The following FLRT2 variants were observed in gnomAD, a reference collection of about 807,000 sequenced individuals.
The protein encoded by FLRT2 is fibronectin leucine rich transmembrane protein 2, also known as leucine-rich repeat transmembrane protein FLRT2.
Under a neutral mutation model 40.0 loss-of-function variants are expected in FLRT2, and 15 were observed. That is an observed-to-expected ratio of 0.38 (90% confidence interval 0.25 to 0.58). FLRT2 has a LOEUF of 0.58. Ranked by LOEUF, FLRT2 falls within the 20% of genes least tolerant of loss-of-function variation. The pLI, the probability that FLRT2 is intolerant of heterozygous loss-of-function variation, is 0.71. For synonymous variants in FLRT2, 380 were observed against 336.8 expected, an observed-to-expected ratio of 1.13 and a Z score of -1.41; for missense variants, 726 against 840.0, an observed-to-expected ratio of 0.86 and a Z score of 1.68.
intron 1 of FLRT2, among the ~76,000 whole-genome samples, 186 bp from the exon 2 acceptor site, chr14:85,620,953 A>G (rs1172693965): frequency 6.6e-6 from 1 of 152,218 alleles, no homozygotes; most frequent in African/African-American, 2.4e-5. Flanking sequence ...TGAAGATACT[A>G]TATTAATTAT....
At chr14:85,609,524 C>G (rs766349800) in intron 1 of FLRT2, among the ~76,000 whole-genome samples, 3 of 152,156 alleles carry the variant, frequency 2.0e-5, no homozygotes, top group Non-Finnish European at 4.4e-5. Context: ...GCTGTTTCAC[C>G]GGGAATTTGT....
At chr14:85,590,091 C>G (rs151337280) in intron 1 of FLRT2, among the ~76,000 whole-genome samples, 1 of 150,408 alleles carries the variant, frequency 6.6e-6, no homozygotes, top group East Asian at 2.0e-4. Flanking sequence ...ACATTATAGA[C>G]CTTTTGAGCT....
intron 1 of FLRT2, among the ~76,000 whole-genome samples, chr14:85,614,139 A>G (rs1425038889): frequency 2.6e-5 from 4 of 152,180 alleles, no homozygotes; most frequent in Non-Finnish European, 5.9e-5. Context: ...TCCATTTTAT[A>G]TGAATTAACT....
chr14:85,536,155 C>T (rs1446299407), intron 1 of FLRT2, among the ~76,000 whole-genome samples: 1 of 151,972 alleles, frequency 6.6e-6, no homozygotes, highest in Non-Finnish European at 1.5e-5. Context: ...CTAATTTGAA[C>T]CTTCTCTGAT....
chr14:85,540,016 T>G lies in FLRT2; in HGVS notation c.-377+9482T>G, dbSNP rs191372308. On this transcript the variant is annotated intron_variant, in intron 1 of 1. Coordinates refer to ENST00000330753, the MANE Select transcript of FLRT2 (RefSeq NM_013231.6). ...TAAATGATAATTAGGGTGAGTTGAG[T>G]TCAAGGGTCAAACTTTTCTTTTGAT... is the stretch of plus-strand genomic sequence containing the variant. Among the ~76,000 whole-genome samples, 17 of 152,044 alleles carry G rather than the reference T, an allele frequency of 1.1e-4. 1 individual carries two copies. The East Asian group carries it at 3.3e-3, about 30-fold the overall frequency.
intron 1 of FLRT2, among the ~76,000 whole-genome samples, chr14:85,600,299 T>C (rs1892328585): frequency 6.6e-6 from 1 of 152,160 alleles, no homozygotes; most frequent in African/African-American, 2.4e-5. Flanking sequence ...TCGGTATCCA[T>C]GGGTTTGGAA....
intron 1 of FLRT2, among the ~76,000 whole-genome samples, chr14:85,610,828 C>T (rs560643553): frequency 6.4e-4 from 97 of 152,296 alleles, no homozygotes; most frequent in African/African-American, 2.1e-3. Flanking sequence ...TCGTCTATGA[C>T]ACTTCTTTAT....
intron 1 of FLRT2, among the ~76,000 whole-genome samples, chr14:85,581,285 T>G (rs1891376956): frequency 6.6e-6 from 1 of 152,118 alleles, no homozygotes; most frequent in Non-Finnish European, 1.5e-5. Context: ...AGTCCTTGAG[T>G]CTTCCAGATT....
At chr14:85,564,741 G>A (rs764435874) in intron 1 of FLRT2, among the ~76,000 whole-genome samples, 16 of 152,196 alleles carry the variant, frequency 1.1e-4, no homozygotes, top group Non-Finnish European at 2.4e-4. Context: ...TGTATGTAAT[G>A]TAATGTAATA....
chr14:85,651,604 G>A lies in FLRT2; in HGVS notation c.*28107G>A, dbSNP rs1894435197. The A allele has an allele frequency of 6.6e-6, 1 of 151,968 alleles. No homozygotes were observed. Among genetic ancestry groups the A allele is most frequent in the Non-Finnish European group, 1.5e-5 (1 of 67,920 alleles). The allele number at this position is 151,968 out of a possible 1,614,324, so 9.4% of individuals were successfully genotyped here. A position where few individuals can be genotyped will look rare whatever the true frequency, so the allele number is the denominator to read the frequency against. On this transcript the variant is annotated 3_prime_UTR_variant, in exon 2 of 2. Coordinates refer to ENST00000330753, the MANE Select transcript of FLRT2 (RefSeq NM_013231.6). ...AAGCAGTGACCCACTTAATTTCTCA[G>A]AAGTACATTTTGTTTTATTGCTTTA...
At chr14:85,568,936 C>T (rs1231244853) in intron 1 of FLRT2, among the ~76,000 whole-genome samples, 1 of 152,056 alleles carries the variant, frequency 6.6e-6, no homozygotes, top group African/African-American at 2.4e-5. Context: ...CTCCTCTTTT[C>T]CCTCGTCTCC....
intron 1 of FLRT2, among the ~76,000 whole-genome samples, chr14:85,588,410 G>A (rs1413874290): frequency 6.6e-6 from 1 of 151,488 alleles, no homozygotes; most frequent in African/African-American, 2.4e-5. Context: ...ATAAGACTTG[G>A]CCTTCTAGAA....
In FLRT2 at chr14:85,647,470, G is replaced by T. The variant is rs748221613; in HGVS notation, c.*23973G>T. ...ACAATATTTAGCTCTCCTTCCACAT[G>T]ATGTTGGGATATGATGGCTTAGAAG... On this transcript the variant is annotated 3_prime_UTR_variant, in exon 2 of 2. Coordinates refer to ENST00000330753, the MANE Select transcript of FLRT2 (RefSeq NM_013231.6). 2.6e-5 allele frequency: 4 copies of T among 152,126 alleles called. No homozygotes were observed. Among genetic ancestry groups the T allele is most frequent in the African/African-American group, 4.8e-5 (2 of 41,416 alleles). 9.4% of individuals were successfully genotyped at this position (152,126 alleles called of 1,614,324 possible).
In FLRT2 at chr14:85,634,411, A is replaced by G. The variant is rs1235540923; in HGVS notation, c.*10914A>G. 3.3e-5 allele frequency: 5 copies of G among 152,316 alleles called. No homozygotes were observed. The East Asian group carries it at 7.7e-4, about 24-fold the overall frequency. The allele number at this position is 152,316 out of a possible 1,614,324, so 9.4% of individuals were successfully genotyped here. A position where few individuals can be genotyped will look rare whatever the true frequency, so the allele number is the denominator to read the frequency against. On this transcript the variant is annotated 3_prime_UTR_variant, in exon 2 of 2. Transcript: ENST00000330753. ...GCTATCCTATTGCTAAGTATTTTAC[A>G]TAACTGCCCTCATTAGTTGGAATAT...
chr14:85,570,060 C>T (rs966011406), intron 1 of FLRT2, among the ~76,000 whole-genome samples: 5 of 152,166 alleles, frequency 3.3e-5, no homozygotes, highest in African/African-American at 9.7e-5. Context: ...CCAAATAAGA[C>T]TGTGTATCTC....
chr14:85,563,638 A>C (rs544777862), intron 1 of FLRT2, among the ~76,000 whole-genome samples: 1 of 152,262 alleles, frequency 6.6e-6, no homozygotes, highest in African/African-American at 2.4e-5. Context: ...GCAAGGGGGA[A>C]GTCCACCTAC....
At position 85,653,619 on chromosome 14, in the gene FLRT2, G is replaced by A. The variant is rs1445425160; in HGVS notation, c.*30122G>A. The A allele has an allele frequency of 6.6e-6, 1 of 152,200 alleles. No individual in the cohort carries two copies. Among genetic ancestry groups the A allele is most frequent in the Non-Finnish European group, 1.5e-5 (1 of 68,070 alleles). 9.4% of individuals were successfully genotyped at this position (152,200 alleles called of 1,614,324 possible). ...AAAGAAACCCTGGTCCAAGCGAACT[G>A]TCTCCTTCACCAAAGCCACCTTGGA... On this transcript the variant is annotated 3_prime_UTR_variant, in exon 2 of 2. Coordinates refer to ENST00000330753, the MANE Select transcript of FLRT2 (RefSeq NM_013231.6).
chr14:85,621,710 A>G lies in FLRT2; in HGVS notation c.196A>G (p.Thr66Ala). The G allele has an allele frequency of 6.2e-7, 1 of 1,614,044 alleles. No individual in the cohort carries two copies. The highest frequency in any genetic ancestry group is 8.5e-7 in the Non-Finnish European group (1 of 1,180,010). ...GCCTCTTGGGATCCCGGAGGGCGTA[A>G]CTGTACTCTACCTCCACAACAACCA... ...SVPLGIPEGVTVLYLHNNQIN... is the reference protein window; with the variant it reads ...SVPLGIPEGVAVLYLHNNQIN... The change falls in exon 2 of 2, where the codon ACT (threonine) becomes GCT (alanine). Residue 66 changes from threonine (T) to alanine (A), a missense_variant. Thr to Ala is a moderately conservative substitution (Grantham distance 58). Around this residue, in one of 3 missense-constraint regions of FLRT2, gnomAD observed 106 missense variants for 121.2 expected, o/e 0.87. Transcript: ENST00000330753.
At chr14:85,587,432 G>T (rs1284258909) in intron 1 of FLRT2, among the ~76,000 whole-genome samples, 2 of 151,978 alleles carry the variant, frequency 1.3e-5, no homozygotes, top group African/African-American at 2.4e-5. Context: ...GATTTGTTTT[G>T]TTTGTGCATT....
Sources: gnomAD v4.1 joint callset for allele counts (sites outside exome capture counted in the v4.1 genomes callset) on GRCh38, gnomAD v4.1.1 for gene constraint, gnomAD v4.1.1 regional missense constraint, MANE v1.5 for transcripts, NCBI Gene and HGNC (gene_info 2026-07-23, HGNC 2026-07-21) for gene names.